The following BCAR3 variants were observed in gnomAD, a reference collection of about 807,000 sequenced individuals.
BCAR3 encodes the protein breast cancer anti-estrogen resistance protein 3.
In BCAR3, 37 loss-of-function variants were observed where a neutral mutation model predicts 80.1. That is an observed-to-expected ratio of 0.46 (90% CI 0.36 to 0.61). BCAR3 has a LOEUF of 0.61. Among genes scored for constraint, BCAR3 ranks in the 20% least tolerant of loss-of-function variants. The probability of loss-of-function intolerance (pLI) is 0.00; values close to 1 mark genes in which losing one functional copy is unlikely to be tolerated. For synonymous variants in BCAR3, 389 were observed against 418.9 expected, an observed-to-expected ratio of 0.93 and a Z score of 0.87; for missense variants, 978 against 1,068.2, an observed-to-expected ratio of 0.92 and a Z score of 1.18.
At chr1:93,654,194 G>C (rs1427322719) in intron 2 of BCAR3, among the ~76,000 whole-genome samples, 1 of 152,168 alleles carries the variant, frequency 6.6e-6, no homozygotes, top group Non-Finnish European at 1.5e-5. Flanking sequence ...GTTTAGATTA[G>C]TGCTGCTGCA....
chr1:93,836,990 C>G (rs1481713634), intron 2 of BCAR3, among the ~76,000 whole-genome samples: 1 of 152,158 alleles, frequency 6.6e-6, no homozygotes, highest in Non-Finnish European at 1.5e-5. Flanking sequence ...TTCGCTGACT[C>G]TCTTTTCAGA....
intron 2 of BCAR3, among the ~76,000 whole-genome samples, chr1:93,807,821 C>A (rs1653706078): frequency 6.6e-6 from 1 of 151,880 alleles, no homozygotes. Flanking sequence ...AATGCTTGAG[C>A]CCAGGAGTTC....
chr1:93,699,877 G>A (rs151199561), intron 3 of BCAR3, among the ~76,000 whole-genome samples: 1 of 152,190 alleles, frequency 6.6e-6, no homozygotes, highest in Non-Finnish European at 1.5e-5. Flanking sequence ...CAGACCCAGA[G>A]AGGTTGCCCG....
chr1:93,599,575 A>ATATC (rs1674553709), intron 3 of BCAR3: 1 of 114,774 alleles, frequency 8.7e-6, no homozygotes, highest in African/African-American at 6.8e-5. Flanking sequence ...ACTTTTAGAG[A>ATATC]GATCTGGCTG....
At chr1:93,798,890 C>A (rs1162557650) in intron 2 of BCAR3, among the ~76,000 whole-genome samples, 3 of 152,016 alleles carry the variant, frequency 2.0e-5, no homozygotes, top group Admixed American at 2.0e-4. Context: ...TCCATACAGT[C>A]ATGAGGTAAT....
At chr1:93,820,785 C>T (rs887149843) in intron 2 of BCAR3, among the ~76,000 whole-genome samples, 7 of 152,134 alleles carry the variant, frequency 4.6e-5, no homozygotes, top group East Asian at 1.9e-4. Context: ...AGAGGTCAGA[C>T]GATGGGGCTG....
chr1:93,660,925 G>A (rs1647619598), intron 2 of BCAR3, among the ~76,000 whole-genome samples: 1 of 147,260 alleles, frequency 6.8e-6, no homozygotes, highest in East Asian at 2.0e-4. Context: ...TGCCCAGGCT[G>A]GAGTGCAATT....
In BCAR3 at chr1:93,784,205, A is replaced by AG. The variant is rs1460399067; in HGVS notation, c.-63+61361_-63+61362insC. ...CAAATAATGGATCTGTAAAGAAAAA[A>AG]AAAAAAAAAAAGATTGACACCACTA... On this transcript the variant is annotated intron_variant, in intron 2 of 13. Coordinates refer to the BCAR3 transcript ENST00000370244. Among the ~76,000 whole-genome samples, 4 of 152,020 alleles carry AG rather than the reference A, an allele frequency of 2.6e-5. No individual in the cohort carries two copies. The East Asian group carries it at 7.7e-4, about 29-fold the overall frequency.
intron 3 of BCAR3, among the ~76,000 whole-genome samples, chr1:93,633,793 C>T (rs1675696608): frequency 6.6e-6 from 1 of 152,184 alleles, no homozygotes; most frequent in Admixed American, 6.5e-5. Flanking sequence ...TGCCACCATG[C>T]CCGGGTAATT....
chr1:93,615,374 G>C (rs1675081680), intron 3 of BCAR3, among the ~76,000 whole-genome samples: 1 of 152,208 alleles, frequency 6.6e-6, no homozygotes. Context: ...GCAAGGGCAA[G>C]GGCCCGGCCT....
chr1:93,829,619 G>A (rs983405175), intron 2 of BCAR3, among the ~76,000 whole-genome samples: 23 of 151,648 alleles, frequency 1.5e-4, no homozygotes, highest in African/African-American at 5.6e-4. Flanking sequence ...CCAAAGTGCT[G>A]GGATTACAGG....
chr1:93,636,946 A>C (rs892224185), intron 3 of BCAR3, among the ~76,000 whole-genome samples: 4 of 151,992 alleles, frequency 2.6e-5, no homozygotes, highest in African/African-American at 9.7e-5. Flanking sequence ...AAAATAAAAA[A>C]AAATTAGGCA....
At position 93,740,341 on chromosome 1, in the gene BCAR3, T is replaced by C. The variant is rs1651134405; in HGVS notation, c.-62-34199A>G. Among the ~76,000 whole-genome samples the C allele has an allele frequency of 2.0e-5, 3 of 152,312 alleles. No homozygotes were observed. The South Asian group carries it at 6.2e-4, about 32-fold the overall frequency. On this transcript the variant is annotated intron_variant, in intron 2 of 13. Transcript: ENST00000370244. ...AGGGGCATGCTGTGGAGGGAGAGGC[T>C]TCCAGCCTCAGCCACAAGCTGGGCC... is the stretch of plus-strand genomic sequence containing the variant.
intron 2 of BCAR3, among the ~76,000 whole-genome samples, chr1:93,746,369 G>T (rs1651357362): frequency 6.6e-6 from 1 of 152,140 alleles, no homozygotes; most frequent in Non-Finnish European, 1.5e-5. Context: ...AGCCTTTCAG[G>T]ATGCCTCTTG....
At chr1:93,565,792 C>T (rs1370620583) in intron 11 of BCAR3, among the ~76,000 whole-genome samples, 1 of 152,212 alleles carries the variant, frequency 6.6e-6, no homozygotes, top group South Asian at 2.1e-4. Flanking sequence ...CTAAGTCCCA[C>T]ATCTGGTTCT....
chr1:93,600,181 T>C (rs1674576599), intron 3 of BCAR3, among the ~76,000 whole-genome samples: 1 of 152,242 alleles, frequency 6.6e-6, no homozygotes, highest in African/African-American at 2.4e-5. Flanking sequence ...TCGGGCCTGG[T>C]CCCTGGGGGC....
intron 2 of BCAR3, among the ~76,000 whole-genome samples, chr1:93,751,346 C>T (rs755199260): frequency 1.3e-5 from 2 of 152,102 alleles, no homozygotes; most frequent in Non-Finnish European, 2.9e-5. Context: ...TTCCCTTATG[C>T]CCTCATCTAT....
chr1:93,592,092 C>CT lies in BCAR3; in HGVS notation c.486+172dup. On this transcript the variant is annotated intron_variant, in intron 4 of 11. Transcript: ENST00000260502. This position sits in a 1 kb window ranked among gnomAD's most constrained non-coding sequence, Gnocchi z 4.8. The stretch of plus-strand genomic sequence containing the variant: ...GTGCTTTGGGTTCTTGACCTCAGCT[C>CT]TTCCCAAGGTCTTCTTAGAGAAGGG... 1 of 920,924 alleles carries CT rather than the reference C, an allele frequency of 1.1e-6. No homozygotes were observed. Among genetic ancestry groups the CT allele is most frequent in the South Asian group, 1.8e-5 (1 of 56,240 alleles). 57.0% of individuals were successfully genotyped at this position (920,924 alleles called of 1,614,324 possible).
chr1:93,824,784 C>A lies in BCAR3; in HGVS notation c.-63+20783G>T, dbSNP rs11579259. On this transcript the variant is annotated intron_variant, in intron 2 of 13. Coordinates refer to the BCAR3 transcript ENST00000370244. ...CGCTCTGCAAGCCCAAAGCTGCCCACAGGGCCTTTCTTCATTTCTTCTGTC... is the reference window on the plus strand; with the variant it reads ...CGCTCTGCAAGCCCAAAGCTGCCCAAAGGGCCTTTCTTCATTTCTTCTGTC... Among the ~76,000 whole-genome samples the A allele has an allele frequency of 7.4e-3, 991 of 134,564 alleles. 215 individuals carry two copies. Among genetic ancestry groups the A allele is most frequent in the Non-Finnish European group, 0.011 (652 of 59,548 alleles). 88.3% of individuals were successfully genotyped at this position (134,564 alleles called of 152,430 possible).
Sources: allele counts gnomAD v4.1 joint callset (sites outside exome capture counted in the v4.1 genomes callset), GRCh38; gene constraint gnomAD v4.1.1; non-coding constraint Gnocchi (gnomAD v3.1); transcripts MANE v1.5; gene names NCBI Gene and HGNC (gene_info 2026-07-23, HGNC 2026-07-21).